The following SLC45A4 variants were observed in gnomAD, a reference collection of about 807,000 sequenced individuals.
The protein encoded by SLC45A4 is solute carrier family 45 member 4.
Under a neutral mutation model 63.7 loss-of-function variants are expected in SLC45A4, and 32 were observed. The ratio of observed to expected loss-of-function variants is 0.50; its 90% CI spans 0.38 to 0.67. The LOEUF (loss-of-function observed/expected upper bound fraction) is 0.67, where lower values mean the gene tolerates loss of function less well. Ranked by LOEUF, SLC45A4 falls within the 30% of genes least tolerant of loss-of-function variation. SLC45A4 has a pLI of 0.00. For missense variants in SLC45A4, 1,027 were observed against 1,157.7 expected (o/e 0.89, Z 1.64); for synonymous variants, 535 against 510.0 (o/e 1.05, Z -0.66).
intron 1 of SLC45A4, among the ~76,000 whole-genome samples, chr8:141,273,320 A>T (rs1322126376): frequency 6.6e-6 from 1 of 152,230 alleles, no homozygotes; most frequent in East Asian, 1.9e-4. Flanking sequence ...CAGGGTCCGA[A>T]GGACGCTTTG....
chr8:141,253,992 T>A lies in SLC45A4; in HGVS notation c.238A>T (p.Ile80Phe). The A allele has an allele frequency of 6.5e-7, 1 of 1,536,066 alleles. No homozygotes were observed. The highest frequency in any genetic ancestry group is 8.7e-7 in the Non-Finnish European group (1 of 1,146,858). ...TALVTPILLQIGLPEQYYSLT... is the reference protein window; with the variant it reads ...TALVTPILLQFGLPEQYYSLT... ...CACAGACGGGGAGGAGACTTACCAA[T>A]CTGCAACAGTATTGGTGTGACCAGA... is the stretch of plus-strand genomic sequence containing the variant. The change falls in exon 2 of 9, where the codon ATT (isoleucine) becomes TTT (phenylalanine). Residue 80 changes from isoleucine (I) to phenylalanine (F), a missense_variant. By Grantham distance (21) the Ile-to-Phe change is conservative. Transcript: ENST00000517878.
Position 141,260,366 on chromosome 8 carries a change from C to T in SLC45A4, c.-400-5737G>A, listed in dbSNP as rs558868472. 4.8e-4 allele frequency among the ~76,000 whole-genome samples: 73 copies of T among 152,318 alleles called. 1 individual carries two copies. In the South Asian group the frequency reaches 0.015, roughly 31 times the overall value. On this transcript the variant is annotated intron_variant, in intron 1 of 8. Transcript: ENST00000517878. ...GCAACTGTCCAAACAGTAATCTTAACAAGGCTAAATTAACCACTACAACAA... is the reference window on the plus strand; with the variant it reads ...GCAACTGTCCAAACAGTAATCTTAATAAGGCTAAATTAACCACTACAACAA...
rs1457075440 is a variant in SLC45A4 at position 141,254,726 on chromosome 8, C to T, written c.-400-97G>A. On this transcript the variant is annotated intron_variant, in intron 1 of 8. Coordinates refer to ENST00000517878, the MANE Select transcript of SLC45A4 (RefSeq NM_001286646.2). The surrounding 1 kb of genome is among the most constrained non-coding windows in gnomAD (Gnocchi z 4.5). ...CGACCCCCGAGCAAGCCGTGTGCCC[C>T]GAGGGCCCGACCCAAGATCACACAG... 2 of 685,148 alleles carry T rather than the reference C, an allele frequency of 2.9e-6. No individual in the cohort carries two copies. Among genetic ancestry groups the T allele is most frequent in the Non-Finnish European group, 5.3e-6 (2 of 374,332 alleles). The allele number at this position is 685,148 out of a possible 1,614,324, so 42.4% of individuals were successfully genotyped here. A position where few individuals can be genotyped will look rare whatever the true frequency, so the allele number is the denominator to read the frequency against.
chr8:141,245,264 T>C (rs1243498140), intron 2 of SLC45A4, among the ~76,000 whole-genome samples: 2 of 152,228 alleles, frequency 1.3e-5, no homozygotes, highest in Admixed American at 6.5e-5. Context: ...GGTCGATTTT[T>C]GGATTCTCCA....
intron 2 of SLC45A4, among the ~76,000 whole-genome samples, chr8:141,246,617 T>TG (rs1828215554): frequency 1.6e-4 from 11 of 70,584 alleles, no homozygotes; most frequent in South Asian, 4.0e-4. Flanking sequence ...GGGGAGGGCA[T>TG]TGCACAAGGC....
intron 2 of SLC45A4, among the ~76,000 whole-genome samples, chr8:141,249,674 G>A (rs1415912203): frequency 1.3e-5 from 2 of 152,202 alleles, no homozygotes; most frequent in Admixed American, 6.5e-5. Context: ...TGCCCGGAGT[G>A]AAGGTAACAG....
At position 141,244,968 on chromosome 8, in the gene SLC45A4, G is replaced by GGC. The variant is rs1828106607; in HGVS notation, c.241+9019_241+9020dup. 2.1e-4 allele frequency among the ~76,000 whole-genome samples: 15 copies of GGC among 71,922 alleles called. 1 individual carries two copies. The highest frequency in any genetic ancestry group is 7.0e-4 in the East Asian group (2 of 2,852). The allele number at this position is 71,922 out of a possible 152,430, so 47.2% of individuals were successfully genotyped here. On this transcript the variant is annotated intron_variant, in intron 2 of 8. Transcript: ENST00000517878. ...CAAGAAGACGTGGGTGGGGGGGGGG[G>GGC]GCGGTGTGGAGGTGGAGGCTGGGCT... is the stretch of plus-strand genomic sequence containing the variant.
chr8:141,242,839 C>T (rs1227008286), intron 2 of SLC45A4, among the ~76,000 whole-genome samples: 2 of 152,148 alleles, frequency 1.3e-5, no homozygotes, highest in African/African-American at 4.8e-5. Context: ...ATACAAACAC[C>T]GCGGGAAGCT....
intron 6 of SLC45A4, among the ~76,000 whole-genome samples, chr8:141,216,328 T>G (rs953366718): frequency 6.6e-6 from 1 of 152,214 alleles, no homozygotes; most frequent in Non-Finnish European, 1.5e-5. Context: ...CTTCTCCTGA[T>G]GTGGGTAGCA....
intron 1 of SLC45A4, among the ~76,000 whole-genome samples, chr8:141,280,546 T>C (rs1829894137): frequency 6.6e-6 from 1 of 152,042 alleles, no homozygotes; most frequent in South Asian, 2.1e-4. Flanking sequence ...TGCAACATGG[T>C]GTTGAGGCCG....
At chr8:141,265,251 T>C (rs1328134811) in intron 1 of SLC45A4, among the ~76,000 whole-genome samples, 1 of 152,200 alleles carries the variant, frequency 6.6e-6, no homozygotes. Flanking sequence ...CAAGGGCCCA[T>C]GTGGTGCATA....
Position 141,256,392 on chromosome 8 carries a change from C to A in SLC45A4, c.-400-1763G>T. 2.8e-6 allele frequency: 1 copy of A among 356,526 alleles called. No homozygotes were observed. Among genetic ancestry groups the A allele is most frequent in the South Asian group, 2.1e-5 (1 of 48,680 alleles). 22.1% of individuals were successfully genotyped at this position (356,526 alleles called of 1,614,324 possible). The stretch of plus-strand genomic sequence containing the variant: ...AACAAAAATATTTCTCATTACTTTC[C>A]ACCGAACCAAAGGTGGTCTTAATTA... On this transcript the variant is annotated intron_variant, in intron 1 of 8. Coordinates refer to ENST00000517878, the MANE Select transcript of SLC45A4 (RefSeq NM_001286646.2). The surrounding 1 kb of genome is among the most constrained non-coding windows in gnomAD (Gnocchi z 4.3).
At chr8:141,305,868 C>T (rs1830882593) in intron 1 of SLC45A4, among the ~76,000 whole-genome samples, 1 of 146,682 alleles carries the variant, frequency 6.8e-6, no homozygotes, top group African/African-American at 2.5e-5. Flanking sequence ...GAAATACCTT[C>T]CTCGGCTCCT....
rs1009854084 is a variant in SLC45A4, at chr8:141,223,000, G to T, written c.242-1235C>A. On this transcript the variant is annotated intron_variant, in intron 2 of 8. Transcript: ENST00000517878. ...CTTCCTTACGAAATAAAGGTGCTTG[G>T]CACGCCAGCGGCTCATCTGGCTAAC... Among the ~76,000 whole-genome samples the T allele has an allele frequency of 5.3e-5, 8 of 152,220 alleles. No individual in the cohort carries two copies. In the South Asian group the frequency reaches 1.7e-3, roughly 32 times the overall value.
intron 5 of SLC45A4, 145 bp from the exon 6 acceptor site, chr8:141,217,334 A>G: frequency 1.3e-6 from 1 of 783,128 alleles, no homozygotes; most frequent in Non-Finnish European, 2.0e-6. Flanking sequence ...AGCCCAGCCC[A>G]AGTCGGTTGC....
intron 2 of SLC45A4, chr8:141,228,399 C>A (rs373279233): frequency 2.0e-6 from 3 of 1,464,706 alleles, no homozygotes; most frequent in South Asian, 1.3e-5. Flanking sequence ...CCAAGCAGGA[C>A]GCTGGCGCTC....
chr8:141,253,117 CTG>C (rs1374142016), intron 2 of SLC45A4: 3 of 149,434 alleles, frequency 2.0e-5, no homozygotes, highest in Non-Finnish European at 3.0e-5. Context: ...CTGCGAGTGT[CTG>C]TGAATTTCCG....
chr8:141,299,625 C>T (rs1830678497), intron 1 of SLC45A4, among the ~76,000 whole-genome samples: 1 of 152,218 alleles, frequency 6.6e-6, no homozygotes, highest in African/African-American at 2.4e-5. Context: ...ACACTCCAAG[C>T]TTTTAATGCC....
At chr8:141,292,851 G>A (rs905366715) in intron 1 of SLC45A4, 1 of 152,304 alleles carries the variant, frequency 6.6e-6, no homozygotes, top group Non-Finnish European at 1.5e-5. Flanking sequence ...GCTCTAAGAA[G>A]TTCTCCATCA....
Sources: gnomAD v4.1 joint callset for allele counts (sites outside exome capture counted in the v4.1 genomes callset) on GRCh38, gnomAD v4.1.1 for gene constraint, Gnocchi (gnomAD v3.1) non-coding constraint, MANE v1.5 for transcripts, NCBI Gene and HGNC (gene_info 2026-07-23, HGNC 2026-07-21) for gene names.